COL22A1: variants seen among roughly 807,000 people sequenced by gnomAD.
The protein encoded by COL22A1 is collagen alpha-1(XXII) chain.
COL22A1 carries 221 observed loss-of-function variants against 248.9 expected under a neutral mutation model. That is an observed-to-expected ratio of 0.89 (90% CI 0.80 to 0.99). COL22A1 has a LOEUF of 0.99. Ranked by LOEUF, COL22A1 falls within the 50% of genes least tolerant of loss-of-function variation. The pLI, the probability that COL22A1 is intolerant of heterozygous loss-of-function variation, is 0.00. For missense variants in COL22A1, 2,240 were observed against 2,179.0 expected, an observed-to-expected ratio of 1.03 and a Z score of -0.56; for synonymous variants, 891 against 793.4, an observed-to-expected ratio of 1.12 and a Z score of -2.07.
intron 18 of COL22A1, among the ~76,000 whole-genome samples, chr8:138,757,473 C>A (rs201388984): frequency 6.6e-6 from 1 of 151,942 alleles, no homozygotes; most frequent in East Asian, 1.9e-4. Flanking sequence ...TATTACACCA[C>A]AAAAGTGAGT....
chr8:138,820,463 AAAATT>A (rs1819018499), intron 7 of COL22A1, among the ~76,000 whole-genome samples: 2 of 152,164 alleles, frequency 1.3e-5, no homozygotes, highest in African/African-American at 4.8e-5. Context: ...GGAAGAAAGA[AAAATT>A]AAAGAAATGA....
chr8:138,724,681 C>T lies in COL22A1; in HGVS notation c.2194-13G>A, dbSNP rs1486578816. On this transcript the variant is annotated splice_polypyrimidine_tract_variant and intron_variant, in intron 24 of 64. Transcript: ENST00000303045. The stretch of plus-strand genomic sequence containing the variant: ...CTCCAGGCAAACCCTGAAAGGGGAC[C>T]ACATGGACCCTGTTAGCCTGGCCTG... 1 of 1,613,306 alleles carries T rather than the reference C, an allele frequency of 6.2e-7. No individual in the cohort carries two copies. The highest frequency in any genetic ancestry group is 1.3e-5 in the African/African-American group (1 of 74,940).
intron 25 of COL22A1, among the ~76,000 whole-genome samples, chr8:138,723,145 T>G (rs958804358): frequency 6.6e-6 from 1 of 152,154 alleles, no homozygotes; most frequent in African/African-American, 2.4e-5. Flanking sequence ...CGGAATATCT[T>G]CTGTGCTATT....
At chr8:138,846,859 G>A (rs1411000582) in intron 3 of COL22A1, among the ~76,000 whole-genome samples, 1 of 152,250 alleles carries the variant, frequency 6.6e-6, no homozygotes, top group Non-Finnish European at 1.5e-5. Context: ...GGATGAGAGA[G>A]ACATCCTATT....
intron 41 of COL22A1, among the ~76,000 whole-genome samples, chr8:138,666,254 T>C (rs1275182366): frequency 6.6e-6 from 1 of 152,144 alleles, no homozygotes; most frequent in Non-Finnish European, 1.5e-5. Flanking sequence ...TACAGACACA[T>C]AGGGAGGTCT....
chr8:138,676,855 C>A (rs142794357), intron 40 of COL22A1, among the ~76,000 whole-genome samples: 3 of 152,148 alleles, frequency 2.0e-5, no homozygotes, highest in Admixed American at 6.5e-5. Flanking sequence ...CTTTCAAGGA[C>A]GACCACTCCC....
At chr8:138,852,697 G>A (rs553166274) in intron 3 of COL22A1, among the ~76,000 whole-genome samples, 21 of 152,274 alleles carry the variant, frequency 1.4e-4, no homozygotes, top group African/African-American at 4.6e-4. Context: ...CTTGAAATGC[G>A]GGGGATGAGG....
intron 3 of COL22A1, among the ~76,000 whole-genome samples, chr8:138,871,784 CTATATA>C (rs1491203922): frequency 6.6e-6 from 1 of 152,146 alleles, no homozygotes; most frequent in African/African-American, 2.4e-5. Flanking sequence ...CCATTCCCAA[CTATATA>C]TATAAGTTGT....
At chr8:138,771,245 G>A (rs1373009464) in intron 16 of COL22A1, among the ~76,000 whole-genome samples, 1 of 152,180 alleles carries the variant, frequency 6.6e-6, no homozygotes, top group African/African-American at 2.4e-5. Context: ...TTACCCCAAA[G>A]GAAGCTCCCA....
chr8:138,857,361 T>C (rs116796302), intron 3 of COL22A1, among the ~76,000 whole-genome samples: 2,656 of 152,324 alleles, frequency 0.017, 76 homozygotes, highest in African/African-American at 0.06. Flanking sequence ...AGGACTGCAG[T>C]GTGGCCCCTC....
rs1165989246 is a variant in COL22A1 at position 138,844,296 on chromosome 8, GC to G, written c.659-139del. On this transcript the variant is annotated intron_variant, in intron 3 of 64. Coordinates refer to ENST00000303045, the MANE Select transcript of COL22A1 (RefSeq NM_152888.3). Reference sequence around the variant, plus strand: ...AATGCCTGGAGAAGATGCAGAGGCAGCTGGCATCTCCGCACTCACTCATGTT... The same window carrying G: ...AATGCCTGGAGAAGATGCAGAGGCAGTGGCATCTCCGCACTCACTCATGTT... 1.1e-5 allele frequency: 8 copies of G among 761,338 alleles called. No homozygotes were observed. In the African/African-American group the frequency reaches 1.4e-4, roughly 13 times the overall value. The allele number at this position is 761,338 out of a possible 1,614,324, so 47.2% of individuals were successfully genotyped here. A position where few individuals can be genotyped will look rare whatever the true frequency, so the allele number is the denominator to read the frequency against.
intron 5 of COL22A1, among the ~76,000 whole-genome samples, chr8:138,828,895 C>T (rs750879522): frequency 6.6e-6 from 1 of 152,206 alleles, no homozygotes; most frequent in Admixed American, 6.5e-5. Context: ...CAGCTGACTG[C>T]ACCTTAACTG....
chr8:138,664,206 C>T (rs970423565), intron 41 of COL22A1, among the ~76,000 whole-genome samples: 5 of 83,632 alleles, frequency 6.0e-5, no homozygotes, highest in Non-Finnish European at 8.1e-5. Context: ...CGCGCGCGCG[C>T]GCGCACACAC....
chr8:138,723,737 C>T lies in COL22A1; in HGVS notation c.2247+878G>A, dbSNP rs144170198. Among the ~76,000 whole-genome samples, 253 of 152,336 alleles carry T rather than the reference C, an allele frequency of 1.7e-3. 2 individuals are homozygous for T. Among genetic ancestry groups the T allele is most frequent in the Admixed American group, 4.3e-3 (66 of 15,302 alleles). ...AATCAGATCACCTGAGTGCCCAGCG[C>T]GGCACTGAATTCATGTCCAGTACCC... On this transcript the variant is annotated intron_variant, in intron 25 of 64. Coordinates refer to ENST00000303045, the MANE Select transcript of COL22A1 (RefSeq NM_152888.3).
chr8:138,868,028 G>C (rs573382781), intron 3 of COL22A1, among the ~76,000 whole-genome samples: 9 of 152,316 alleles, frequency 5.9e-5, no homozygotes, highest in African/African-American at 1.9e-4. Flanking sequence ...CTCCCAAAGT[G>C]CTGGGATTAC....
intron 37 of COL22A1, among the ~76,000 whole-genome samples, chr8:138,687,552 C>A (rs1433444271): frequency 1.3e-5 from 2 of 152,182 alleles, no homozygotes; most frequent in Non-Finnish European, 2.9e-5. Context: ...ACAATCCATG[C>A]CCCAATATCG....
intron 56 of COL22A1, 79 bp from the exon 57 acceptor site, chr8:138,608,068 A>C (rs1564090736): frequency 7.3e-7 from 1 of 1,362,930 alleles, no homozygotes; most frequent in African/African-American, 1.4e-5. Context: ...AGACTGATGC[A>C]CAGGACTTGG....
intron 24 of COL22A1, 112 bp from the exon 25 acceptor site, chr8:138,724,780 T>G: frequency 1.0e-6 from 1 of 970,180 alleles, no homozygotes; most frequent in Non-Finnish European, 1.6e-6. Context: ...GAGGGCACCC[T>G]GGGGCCTCTA....
At chr8:138,627,358 A>G (rs1820328748) in intron 50 of COL22A1, among the ~76,000 whole-genome samples, 1 of 152,212 alleles carries the variant, frequency 6.6e-6, no homozygotes, top group African/African-American at 2.4e-5. Flanking sequence ...TTATCAGAAC[A>G]CTGTCACACC....
Sources: gnomAD v4.1 joint callset for allele counts (sites outside exome capture counted in the v4.1 genomes callset) on GRCh38, gnomAD v4.1.1 for gene constraint, MANE v1.5 for transcripts, NCBI Gene and HGNC (gene_info 2026-07-23, HGNC 2026-07-21) for gene names.